TPD52L1: variants seen among roughly 807,000 people sequenced by gnomAD.
TPD52L1 encodes the protein TPD52 like 1, also known as tumor protein D53.
TPD52L1 carries 18 observed loss-of-function variants against 28.7 expected under a neutral mutation model. That is an observed-to-expected ratio of 0.63 (90% confidence interval 0.43 to 0.93). The LOEUF (loss-of-function observed/expected upper bound fraction) is 0.93, where lower values mean the gene tolerates loss of function less well. Ranked by LOEUF, TPD52L1 falls within the 40% of genes least tolerant of loss-of-function variation. TPD52L1 has a pLI of 0.00. For synonymous variants in TPD52L1, 75 were observed against 88.8 expected (o/e 0.84, Z 0.88); for missense variants, 203 against 254.8 (o/e 0.80, Z 1.39).
At chr6:125,213,967 TGGAACAGCCGCAGTA>T in intron 1 of TPD52L1, among the ~76,000 whole-genome samples, 1 of 152,264 alleles carries the variant, frequency 6.6e-6, no homozygotes, top group Non-Finnish European at 1.5e-5. Flanking sequence ...TGAAGCACCT[TGGAACAGCCGCAGTA>T]GGAAGTCAAT....
At chr6:125,192,823 C>G (rs1793147436) in intron 1 of TPD52L1, among the ~76,000 whole-genome samples, 1 of 152,182 alleles carries the variant, frequency 6.6e-6, no homozygotes, top group South Asian at 2.1e-4. Flanking sequence ...TGCACATATA[C>G]CTTGTTGATA....
intron 1 of TPD52L1, among the ~76,000 whole-genome samples, chr6:125,175,847 A>G (rs1661948460): frequency 6.8e-6 from 1 of 146,456 alleles, no homozygotes; most frequent in South Asian, 2.2e-4. Context: ...TATTTTACAA[A>G]GAAATAGGTA....
chr6:125,215,989 C>T (rs1216128040), intron 1 of TPD52L1, among the ~76,000 whole-genome samples: 1 of 152,102 alleles, frequency 6.6e-6, no homozygotes, highest in East Asian at 1.9e-4. Context: ...GAGAAGTCCA[C>T]AGTGTGTTGC....
At chr6:125,253,379 G>A in intron 4 of TPD52L1, 1 of 335,014 alleles carries the variant, frequency 3.0e-6, no homozygotes, top group Non-Finnish European at 5.5e-6. Context: ...GAGCAGAAGG[G>A]AGTAGAGACC....
chr6:125,244,715 T>C (rs936691040), intron 3 of TPD52L1, among the ~76,000 whole-genome samples: 2 of 152,114 alleles, frequency 1.3e-5, no homozygotes, highest in Non-Finnish European at 2.9e-5. Context: ...GTGTCTGCAG[T>C]AGAGTGCCAG....
At chr6:125,206,458 T>A (rs1289209521) in intron 1 of TPD52L1, among the ~76,000 whole-genome samples, 2 of 152,182 alleles carry the variant, frequency 1.3e-5, no homozygotes, top group African/African-American at 4.8e-5. Context: ...CTCATTATTC[T>A]AGTGCTGTTG....
chr6:125,176,507 T>C (rs575910727), intron 1 of TPD52L1, among the ~76,000 whole-genome samples: 1 of 152,290 alleles, frequency 6.6e-6, no homozygotes, highest in East Asian at 1.9e-4. Context: ...CTTTCAGAAA[T>C]AGCAGATTAT....
chr6:125,172,137 TTTCTTTCTTTCTTTCTTTCTTTTCTTTC>T (rs1562210929), intron 1 of TPD52L1, among the ~76,000 whole-genome samples: 1,307 of 77,492 alleles, frequency 0.017, 6 homozygotes, highest in African/African-American at 0.022. Context: ...TCTTTCTTTC[TTTCTTTCTTTCTTTCTTTCTTTTCTTTC>T]TTTCTTTCTT....
chr6:125,172,537 T>TATATATATATTATATATATATATATA (rs1562214490), intron 1 of TPD52L1, among the ~76,000 whole-genome samples: 3 of 88,882 alleles, frequency 3.4e-5, no homozygotes, highest in African/African-American at 1.5e-4. Context: ...TATATATATA[T>TATATATATATTATATATATATATATA]ATATATATAT....
rs117865390 is a variant in TPD52L1, at chr6:125,257,997, C to A, written c.486+839C>A. ...GAATATACGTGATCTTTAACCAGAT[C>A]AAAAACCTTCATATCCCATGCTGAT... On this transcript the variant is annotated intron_variant, in intron 6 of 6. Transcript: ENST00000534000. Among the ~76,000 whole-genome samples, 84 of 152,276 alleles carry A rather than the reference C, an allele frequency of 5.5e-4. No homozygotes were observed. In the East Asian group the frequency reaches 9.4e-3, roughly 17 times the overall value.
At chr6:125,225,105 A>G (rs9482612) in intron 2 of TPD52L1, among the ~76,000 whole-genome samples, 22,386 of 152,082 alleles carry the variant, frequency 0.15, 2,021 homozygotes, top group East Asian at 0.29. Flanking sequence ...ACAATATGGG[A>G]CCTTTTGTGT....
At chr6:125,189,788 G>A (rs932991596) in intron 1 of TPD52L1, among the ~76,000 whole-genome samples, 3 of 152,094 alleles carry the variant, frequency 2.0e-5, no homozygotes, top group East Asian at 3.8e-4. Flanking sequence ...GAAGGAACTC[G>A]ATTTTATTTT....
chr6:125,206,012 A>G (rs2114914794), intron 1 of TPD52L1, among the ~76,000 whole-genome samples: 1 of 152,356 alleles, frequency 6.6e-6, no homozygotes, highest in South Asian at 2.1e-4. Context: ...ACAACAAAAA[A>G]GGAATAGATG....
At chr6:125,216,925 A>C (rs1022451595) in intron 1 of TPD52L1, among the ~76,000 whole-genome samples, 2 of 152,104 alleles carry the variant, frequency 1.3e-5, no homozygotes, top group African/African-American at 4.8e-5. Flanking sequence ...AGAACTATAC[A>C]CACTTGAGCC....
At chr6:125,197,722 G>T (rs73573623) in intron 1 of TPD52L1, among the ~76,000 whole-genome samples, 1 of 152,128 alleles carries the variant, frequency 6.6e-6, no homozygotes, top group Non-Finnish European at 1.5e-5. Flanking sequence ...AAGCGTCAGA[G>T]GTGAGGGGTT....
intron 1 of TPD52L1, among the ~76,000 whole-genome samples, chr6:125,183,834 G>C (rs113582938): frequency 6.6e-6 from 1 of 152,142 alleles, no homozygotes; most frequent in East Asian, 1.9e-4. Flanking sequence ...GGAATAAATG[G>C]ATTATGATAG....
intron 1 of TPD52L1, among the ~76,000 whole-genome samples, chr6:125,187,313 A>G (rs7745396): frequency 0.021 from 3,126 of 152,310 alleles, 103 homozygotes; most frequent in African/African-American, 0.072. Context: ...ATAGAGAAAG[A>G]GTAGTTTCAT....
chr6:125,164,784 T>G (rs1790767766), intron 1 of TPD52L1, among the ~76,000 whole-genome samples: 1 of 152,156 alleles, frequency 6.6e-6, no homozygotes, highest in South Asian at 2.1e-4. Flanking sequence ...CTTAAGCGAC[T>G]CTAGCCATCT....
At chr6:125,216,910 G>C (rs1056734948) in intron 1 of TPD52L1, among the ~76,000 whole-genome samples, 12 of 152,150 alleles carry the variant, frequency 7.9e-5, no homozygotes, top group Admixed American at 7.8e-4. Context: ...AGAAGGGACA[G>C]CTTCAGAACT....
Sources: gnomAD v4.1 joint callset for allele counts (sites outside exome capture counted in the v4.1 genomes callset) on GRCh38, gnomAD v4.1.1 for gene constraint, MANE v1.5 for transcripts, NCBI Gene and HGNC (gene_info 2026-07-23, HGNC 2026-07-21) for gene names.